ABHD17B: variants seen among roughly 807,000 people sequenced by gnomAD.
The protein encoded by ABHD17B is abhydrolase domain containing 17B, depalmitoylase.
In ABHD17B, 9 loss-of-function variants were observed where a neutral mutation model predicts 26.2. That is an observed-to-expected ratio of 0.34 (90% CI 0.21 to 0.60). The LOEUF (loss-of-function observed/expected upper bound fraction) is 0.60. Ranked by LOEUF, ABHD17B falls within the 20% of genes least tolerant of loss-of-function variation. The pLI, the probability that ABHD17B is intolerant of heterozygous loss-of-function variation, is 0.80. For missense variants in ABHD17B, 224 were observed against 352.1 expected, an observed-to-expected ratio of 0.64 and a Z score of 2.91; for synonymous variants, 127 against 122.3, an observed-to-expected ratio of 1.04 and a Z score of -0.25.
chr9:71,874,609 T>C lies in ABHD17B; in HGVS notation c.467+5A>G. 3 of 1,544,688 alleles carry C rather than the reference T, an allele frequency of 1.9e-6. No homozygotes were observed. The highest frequency in any genetic ancestry group is 2.3e-5 in the East Asian group (1 of 44,172). On this transcript the variant is annotated splice_donor_5th_base_variant and intron_variant, in intron 2 of 3. Coordinates refer to ENST00000333421, the MANE Select transcript of ABHD17B (RefSeq NM_001025780.3). ...TATGAAAAATAAATTCCAACCACAA[T>C]TTACCTTGTCCTAAGAGCAAGCCAA...
intron 1 of ABHD17B, among the ~76,000 whole-genome samples, chr9:71,896,186 T>A (rs1254676681): frequency 6.6e-6 from 1 of 152,238 alleles, no homozygotes; most frequent in Non-Finnish European, 1.5e-5. Context: ...TGAATCTTAA[T>A]CTACTCATAT....
downstream of ABHD17B, among the ~76,000 whole-genome samples, chr9:71,863,481 T>C (rs552720476): frequency 2.0e-5 from 3 of 152,300 alleles, no homozygotes; most frequent in South Asian, 2.1e-4. Flanking sequence ...CTAAAAACCA[T>C]AGGTAAGCTC....
intron 1 of ABHD17B, among the ~76,000 whole-genome samples, chr9:71,876,925 T>A (rs1826295140): frequency 6.6e-6 from 1 of 152,168 alleles, no homozygotes; most frequent in South Asian, 2.1e-4. Context: ...CTTTATTTCT[T>A]TTTAGGCTTC....
At chr9:71,896,681 A>AACAC (rs147044015) in intron 1 of ABHD17B, among the ~76,000 whole-genome samples, 3,944 of 147,628 alleles carry the variant, frequency 0.027, 87 homozygotes, top group African/African-American at 0.06. Flanking sequence ...CTTCTACCAA[A>AACAC]ACACACACAC....
At chr9:71,875,200 T>C (rs980269284) in intron 1 of ABHD17B, 117 bp from the exon 2 acceptor site, 1 of 798,872 alleles carries the variant, frequency 1.3e-6, no homozygotes, top group Non-Finnish European at 1.9e-6. Flanking sequence ...ATTACTATTT[T>C]AGGTATGATT....
intron 2 of ABHD17B, among the ~76,000 whole-genome samples, chr9:71,872,397 T>C (rs987044591): frequency 4.6e-5 from 7 of 152,128 alleles, no homozygotes; most frequent in Non-Finnish European, 1.0e-4. Context: ...TTTCTTCAAA[T>C]TGGTAAATGC....
chr9:71,868,679 T>C (rs1826025941), intron 3 of ABHD17B, among the ~76,000 whole-genome samples: 1 of 152,212 alleles, frequency 6.6e-6, no homozygotes, highest in Non-Finnish European at 1.5e-5. Flanking sequence ...GTATATTATC[T>C]TTTTCAAACA....
At chr9:71,875,533 TCTTTCTAGAAGTA>T (rs1445751316) in intron 1 of ABHD17B, among the ~76,000 whole-genome samples, 1 of 152,178 alleles carries the variant, frequency 6.6e-6, no homozygotes, top group Non-Finnish European at 1.5e-5. Flanking sequence ...GCCTTTGGCT[TCTTTCTAGAAGTA>T]CTTTAAATCC....
At chr9:71,889,778 AAAAC>A (rs142282489) in intron 1 of ABHD17B, among the ~76,000 whole-genome samples, 16,938 of 152,098 alleles carry the variant, frequency 0.11, 1,066 homozygotes, top group Middle Eastern at 0.14. Context: ...AAAAATGACC[AAAAC>A]AAACAAACAA....
downstream of ABHD17B, among the ~76,000 whole-genome samples, chr9:71,862,803 G>C (rs1825862891): frequency 6.6e-6 from 1 of 151,986 alleles, no homozygotes; most frequent in Non-Finnish European, 1.5e-5. Flanking sequence ...TATTTTTGCA[G>C]AGACAGGGTC....
intron 1 of ABHD17B, among the ~76,000 whole-genome samples, chr9:71,906,522 G>A (rs1448320903): frequency 2.0e-5 from 3 of 152,148 alleles, no homozygotes; most frequent in Non-Finnish European, 4.4e-5. Flanking sequence ...ATAAAATACA[G>A]CATCTGGCCG....
chr9:71,875,137 C>A, intron 1 of ABHD17B, 54 bp from the exon 2 acceptor site: 1 of 1,391,352 alleles, frequency 7.2e-7, no homozygotes, highest in Non-Finnish European at 9.9e-7. Context: ...TAGACTCATA[C>A]AATAAAAAGT....
At chr9:71,894,111 AAAAAAAAAAAG>A (rs1826883571) in intron 1 of ABHD17B, among the ~76,000 whole-genome samples, 1 of 150,476 alleles carries the variant, frequency 6.6e-6, no homozygotes, top group Non-Finnish European at 1.5e-5. Flanking sequence ...AAAAAAAAAA[AAAAAAAAAAAG>A]GATACTTCAC....
chr9:71,910,201 C>A (rs532621060), intron 1 of ABHD17B, among the ~76,000 whole-genome samples: 1 of 152,128 alleles, frequency 6.6e-6, no homozygotes, highest in Non-Finnish European at 1.5e-5. Flanking sequence ...TTTAGGCACC[C>A]GCGAATCTCT....
At chr9:71,870,347 G>T in intron 2 of ABHD17B, 85 bp from the exon 3 acceptor site, 1 of 1,249,166 alleles carries the variant, frequency 8.0e-7, no homozygotes, top group South Asian at 1.9e-5. Flanking sequence ...TTTGATCTTA[G>T]AATAAGACAA....
intron 1 of ABHD17B, among the ~76,000 whole-genome samples, chr9:71,891,060 C>T (rs561840404): frequency 3.3e-5 from 5 of 152,116 alleles, no homozygotes; most frequent in South Asian, 2.1e-4. Flanking sequence ...AAAGGTCTGG[C>T]GAAGTAAACT....
At chr9:71,864,873 ACTGT>A (rs1230410280), downstream of ABHD17B, among the ~76,000 whole-genome samples, 3 of 152,312 alleles carry the variant, frequency 2.0e-5, no homozygotes, top group African/African-American at 7.2e-5. Flanking sequence ...ACATTCAGTA[ACTGT>A]CTGTTGAATG....
In ABHD17B at chr9:71,874,539, T is replaced by C. The variant is rs1826203501; in HGVS notation, c.467+75A>G. On this transcript the variant is annotated intron_variant, in intron 2 of 3. Transcript: ENST00000333421. ...GCAGTTATGTATAATAAAAACAGCTTTTATTCTATTCTTACACAAGATATT... is the reference window on the plus strand; with the variant it reads ...GCAGTTATGTATAATAAAAACAGCTCTTATTCTATTCTTACACAAGATATT... 7.1e-6 allele frequency: 9 copies of C among 1,262,728 alleles called. No individual in the cohort carries two copies. The South Asian group carries it at 1.4e-4, about 20-fold the overall frequency. The allele number at this position is 1,262,728 out of a possible 1,614,324, so 78.2% of individuals were successfully genotyped here.
At chr9:71,881,654 G>A (rs1361268486) in intron 1 of ABHD17B, among the ~76,000 whole-genome samples, 1 of 152,156 alleles carries the variant, frequency 6.6e-6, no homozygotes, top group African/African-American at 2.4e-5. Flanking sequence ...TCGGAAGGCC[G>A]AGGCGGACGG....
Sources: allele counts gnomAD v4.1 joint callset (sites outside exome capture counted in the v4.1 genomes callset), GRCh38; gene constraint gnomAD v4.1.1; transcripts MANE v1.5; gene names NCBI Gene and HGNC (gene_info 2026-07-23, HGNC 2026-07-21).